Variants in MUC20 observed in about 807,000 individuals in gnomAD.
MUC20 encodes the protein mucin-20.
MUC20 carries 14 observed loss-of-function variants against 23.8 expected under a neutral mutation model. The observed-to-expected ratio is 0.59, with a 90% CI of 0.39 to 0.92. The LOEUF (loss-of-function observed/expected upper bound fraction) is 0.92. MUC20 is among the 40% of genes least tolerant of loss of function. The probability of loss-of-function intolerance (pLI) is 0.00; values close to 1 mark genes in which losing one functional copy is unlikely to be tolerated. For synonymous variants in MUC20, 166 were observed against 279.3 expected, an observed-to-expected ratio of 0.59 and a Z score of 4.04; for missense variants, 375 against 668.8, an observed-to-expected ratio of 0.56 and a Z score of 4.85.
chr3:195,721,406 G>A (rs547498258), intron 1 of MUC20, among the ~76,000 whole-genome samples: 4 of 151,996 alleles, frequency 2.6e-5, no homozygotes, highest in South Asian at 4.2e-4. Flanking sequence ...CTTTATGAAC[G>A]TGGGACAGTA....
chr3:195,726,706 G>A lies in MUC20; in HGVS notation c.1969+134G>A, dbSNP rs113229366. ...CCTGCTCCTGATGTTGCCTCTTCGT[G>A]ATCTTCTAGTGGTTCTTGGCGAAAT... On this transcript the variant is annotated intron_variant, in intron 2 of 3. Transcript: ENST00000447234. 10,286 of 1,092,732 alleles carry A rather than the reference G, an allele frequency of 9.4e-3. 89 individuals are homozygous for A. The African/African-American group carries it at 0.14, about 15-fold the overall frequency. The allele number at this position is 1,092,732 out of a possible 1,614,324, so 67.7% of individuals were successfully genotyped here. A position where few individuals can be genotyped will look rare whatever the true frequency, so the allele number is the denominator to read the frequency against.
rs1478798971 is a variant in MUC20, at chr3:195,726,511, G to A, written c.1908G>A (p.Met636Ile). 4 of 1,614,020 alleles carry A rather than the reference G, an allele frequency of 2.5e-6. No homozygotes were observed. Among genetic ancestry groups the A allele is most frequent in the Middle Eastern group, 1.6e-4 (1 of 6,062 alleles). Residue 636 changes from methionine to isoleucine, a missense_variant, in exon 2 of 4, where the codon ATG (methionine) becomes ATA (isoleucine). Physicochemically the swap from Met to Ile is conservative, Grantham distance 10. This residue lies in a region of MUC20 where 343 missense variants were observed against 340.2 expected (regional missense o/e 1.01). Coordinates refer to ENST00000447234, the MANE Select transcript of MUC20 (RefSeq NM_001282506.2). The part of the protein sequence containing the change: ...AKITTSAKTT[M>I]KPPTATPTTA... The stretch of plus-strand genomic sequence containing the variant: ...TCACAACCTCAGCGAAGACCACGAT[G>A]AAGCCCCCAACAGCCACGCCCACGA...
intron 2 of MUC20, among the ~76,000 whole-genome samples, chr3:195,727,114 T>G (rs1187059474): frequency 2.6e-5 from 4 of 152,274 alleles, no homozygotes; most frequent in Non-Finnish European, 4.4e-5. Flanking sequence ...AATAAATTAA[T>G]ACAGGCCTGG....
chr3:195,727,995 G>A (rs1276352076), intron 2 of MUC20, among the ~76,000 whole-genome samples: 3 of 152,258 alleles, frequency 2.0e-5, no homozygotes, highest in Non-Finnish European at 4.4e-5. Flanking sequence ...CACCAGCTTT[G>A]CATATGTTAT....
chr3:195,727,434 C>T (rs1285299186), intron 2 of MUC20, among the ~76,000 whole-genome samples: 3 of 152,262 alleles, frequency 2.0e-5, no homozygotes, highest in Non-Finnish European at 2.9e-5. Context: ...AAAGCTACAT[C>T]TCTGAGGCAA....
intron 1 of MUC20, chr3:195,722,170 A>G: frequency 1.8e-6 from 1 of 568,178 alleles, no homozygotes; most frequent in Non-Finnish European, 2.2e-6. Context: ...CATACATTGT[A>G]TTTTTAATCC....
chr3:195,728,596 G>A (rs996081213), intron 2 of MUC20, among the ~76,000 whole-genome samples: 22 of 152,222 alleles, frequency 1.4e-4, no homozygotes, highest in African/African-American at 4.8e-4. Context: ...GTTCCCAGGG[G>A]CAGGCAGGAG....
rs373375459 is a variant in MUC20, at chr3:195,726,553, G to C, written c.1950G>C (p.Pro650=). 4.6e-5 allele frequency: 74 copies of C among 1,612,738 alleles called. No homozygotes were observed. In the South Asian group the frequency reaches 8.0e-4, roughly 17 times the overall value. ...CGCCCACGACTGCCCGGACGAGGCC[G>C]ACCACAGACGTGAGTGCAGGTAAGT... The part of the protein sequence containing the change: ...TATPTTARTR[P]TTDVSAGENG... The change falls in exon 2 of 4, where the codon CCG becomes CCC. Residue 650 remains proline, a synonymous_variant. Transcript: ENST00000447234.
chr3:195,730,679 G>T (rs1713298881), intron 3 of MUC20, among the ~76,000 whole-genome samples: 3 of 152,204 alleles, frequency 2.0e-5, no homozygotes, highest in Admixed American at 2.0e-4. Flanking sequence ...TGTCATCTGG[G>T]GAAGTGCAGG....
intron 1 of MUC20, among the ~76,000 whole-genome samples, chr3:195,723,050 C>G (rs1712309560): frequency 6.7e-6 from 1 of 148,992 alleles, no homozygotes; most frequent in African/African-American, 2.5e-5. Flanking sequence ...GTTGGCAAGG[C>G]AGGTATTGTG....
At chr3:195,727,432 A>G (rs1184774295) in intron 2 of MUC20, among the ~76,000 whole-genome samples, 1 of 152,282 alleles carries the variant, frequency 6.6e-6, no homozygotes, top group Non-Finnish European at 1.5e-5. Context: ...TTAAAGCTAC[A>G]TCTCTGAGGC....
chr3:195,731,153 A>G (rs962307975), intron 3 of MUC20, among the ~76,000 whole-genome samples: 2 of 152,210 alleles, frequency 1.3e-5, no homozygotes, highest in African/African-American at 4.8e-5. Context: ...GCTTGCATTC[A>G]GCACCTCTCA....
intron 3 of MUC20, among the ~76,000 whole-genome samples, chr3:195,731,450 G>C (rs541723838): frequency 6.6e-6 from 1 of 152,360 alleles, no homozygotes; most frequent in Admixed American, 6.5e-5. Context: ...AAGTAAAAGG[G>C]GGATTTGTTG....
At position 195,733,521 on chromosome 3, in the gene MUC20, TC is replaced by T; in HGVS notation, c.*305del. The T allele has an allele frequency of 7.5e-7, 1 of 1,341,108 alleles. No homozygotes were observed. The highest frequency in any genetic ancestry group is 9.5e-7 in the Non-Finnish European group (1 of 1,049,666). The allele number at this position is 1,341,108 out of a possible 1,614,324, so 83.1% of individuals were successfully genotyped here. A position where few individuals can be genotyped will look rare whatever the true frequency, so the allele number is the denominator to read the frequency against. On this transcript the variant is annotated 3_prime_UTR_variant, in exon 4 of 4. Coordinates refer to ENST00000447234, the MANE Select transcript of MUC20 (RefSeq NM_001282506.2). ...CTGATCACCCATCTGTGTGCTTCCA[TC>T]CTGCATTAAAATTCACTCAGTGTGG...
chr3:195,725,831 G>A lies in MUC20; in HGVS notation c.1228G>A (p.Ala410Thr), dbSNP rs780909281. The A allele has an allele frequency of 1.9e-5, 30 of 1,586,806 alleles. No homozygotes were observed. Among genetic ancestry groups the A allele is most frequent in the African/African-American group, 4.1e-5 (3 of 73,418 alleles). The change falls in exon 2 of 4, where the codon GCT becomes ACT. Residue 410 changes from alanine (A) to threonine (T), a missense_variant. Around this residue, in one of 4 missense-constraint regions of MUC20, gnomAD observed 17 missense variants for 71.0 expected, o/e 0.24. Coordinates refer to ENST00000447234, the MANE Select transcript of MUC20 (RefSeq NM_001282506.2). The part of the protein sequence containing the change: ...WSPGSDVTLL[A>T]EALVTVTNIE... ...CCCGGGATCTGACGTCACTCTCCTC[G>A]CTGAAGCCCTGGTGACTGTCACAAA...
chr3:195,726,289 A>G lies in MUC20; in HGVS notation c.1686A>G (p.Lys562=). 1 of 1,614,048 alleles carries G rather than the reference A, an allele frequency of 6.2e-7. No homozygotes were observed. Among genetic ancestry groups the G allele is most frequent in the South Asian group, 1.1e-5 (1 of 91,080 alleles). ...VSIEAGSAVG[K]TTSFAGSSAS... ...TAGAGGCTGGGTCAGCAGTGGGCAAAACAACTTCCTTTGCTGGGAGCTCTG... is the reference window on the plus strand; with the variant it reads ...TAGAGGCTGGGTCAGCAGTGGGCAAGACAACTTCCTTTGCTGGGAGCTCTG... The change falls in exon 2 of 4, where the codon AAA becomes AAG. Residue 562 remains lysine (K), a synonymous_variant. Transcript: ENST00000447234.
At chr3:195,726,628 G>A (rs570455394) in intron 2 of MUC20, 56 bp downstream of exon 2, 70 of 1,552,238 alleles carry the variant, frequency 4.5e-5, no homozygotes, top group Non-Finnish European at 5.5e-5. Context: ...TTTCCAGGAC[G>A]TCTCCGCACT....
At position 195,733,168 on chromosome 3, in the gene MUC20, G is replaced by A. The variant is rs368678088; in HGVS notation, c.2080G>A (p.Ala694Thr). The A allele has an allele frequency of 5.7e-5, 91 of 1,593,468 alleles. No individual in the cohort carries two copies. The highest frequency in any genetic ancestry group is 4.0e-4 in the African/African-American group (30 of 74,554). Reference sequence around the variant, plus strand: ...TCTCCAGCTCCACCGGGAACTCCACGCCCACGCGCCTCACTTCCAGGTCTC... The same window carrying A: ...TCTCCAGCTCCACCGGGAACTCCACACCCACGCGCCTCACTTCCAGGTCTC... ...LMQQLHRELH[A>T]HAPHFQVSLL... is the part of the protein sequence containing the mutation. The change falls in exon 4 of 4, where the codon GCC becomes ACC. Residue 694 changes from alanine (A) to threonine (T), a missense_variant. This residue lies in a region of MUC20 where 343 missense variants were observed against 340.2 expected (regional missense o/e 1.01). Transcript: ENST00000447234.
Position 195,733,334 on chromosome 3 carries a change from T to C in MUC20, c.*116T>C. ...ACTGTGCTGAGAGGTACCCAGAAGGTTCCCATGAAGGGCAGCATGTCCAAG... is the reference window on the plus strand; with the variant it reads ...ACTGTGCTGAGAGGTACCCAGAAGGCTCCCATGAAGGGCAGCATGTCCAAG... On this transcript the variant is annotated 3_prime_UTR_variant, in exon 4 of 4. Coordinates refer to ENST00000447234, the MANE Select transcript of MUC20 (RefSeq NM_001282506.2). The C allele has an allele frequency of 6.6e-7, 1 of 1,517,790 alleles. No homozygotes were observed. Among genetic ancestry groups the C allele is most frequent in the Non-Finnish European group, 8.9e-7 (1 of 1,129,174 alleles). 94.0% of individuals were successfully genotyped at this position (1,517,790 alleles called of 1,614,324 possible).
Sources: gnomAD v4.1 joint callset for allele counts (sites outside exome capture counted in the v4.1 genomes callset) on GRCh38, gnomAD v4.1.1 for gene constraint, gnomAD v4.1.1 regional missense constraint, MANE v1.5 for transcripts, NCBI Gene and HGNC (gene_info 2026-07-23, HGNC 2026-07-21) for gene names.